LSAMP: variants seen among roughly 807,000 people sequenced by gnomAD.
LSAMP encodes the protein limbic system associated membrane protein, also known as limbic system-associated membrane protein.
Under a neutral mutation model 38.6 loss-of-function variants are expected in LSAMP, and 7 were observed. The observed-to-expected ratio is 0.18, with a 90% CI of 0.10 to 0.34. The LOEUF is 0.34. LSAMP is among the 10% of genes least tolerant of loss of function. LSAMP has a pLI of 1.00. For synonymous variants in LSAMP, 154 were observed against 166.8 expected (o/e 0.92, Z 0.59); for missense variants, 313 against 420.0 (o/e 0.75, Z 2.23).
At chr3:116,108,426 A>AG (rs369656314) in intron 1 of LSAMP, among the ~76,000 whole-genome samples, 8 of 152,138 alleles carry the variant, frequency 5.3e-5, no homozygotes, top group Non-Finnish European at 7.4e-5. Context: ...TATGGAAGCA[A>AG]GGGAAACAGG....
chr3:116,226,641 T>TTCTTGCAGA (rs2046345172), intron 1 of LSAMP, among the ~76,000 whole-genome samples: 13 of 152,238 alleles, frequency 8.5e-5, no homozygotes, highest in Admixed American at 8.5e-4. Flanking sequence ...CAGAATTACA[T>TTCTTGCAGA]ATTAGGTAGT....
rs1368265252 is a variant in LSAMP, at chr3:116,274,967, A to AAC, written c.155+169909_155+169910insGT. ...AGTAAAAATAGCCAAAAAAAAAAAA[A>AAC]AACTGCTGCCCAGAGCAACTTTTAT... On this transcript the variant is annotated intron_variant, in intron 1 of 6. Coordinates refer to ENST00000490035, the MANE Select transcript of LSAMP (RefSeq NM_002338.5). Among the ~76,000 whole-genome samples, 4 of 151,698 alleles carry AAC rather than the reference A, an allele frequency of 2.6e-5. No homozygotes were observed. The East Asian group carries it at 7.7e-4, about 29-fold the overall frequency.
In LSAMP at chr3:115,859,690, C is replaced by T. The variant is rs375422652; in HGVS notation, c.515-7073G>A. ...TTTGGCTCTATGAATGAGCATGGGC[C>T]AAATGAAAAAGAACATCCTGGGATT... On this transcript the variant is annotated intron_variant, in intron 3 of 6. Coordinates refer to ENST00000490035, the MANE Select transcript of LSAMP (RefSeq NM_002338.5). 1.4e-4 allele frequency among the ~76,000 whole-genome samples: 22 copies of T among 152,210 alleles called. No homozygotes were observed. The South Asian group carries it at 1.7e-3, about 11-fold the overall frequency.
intron 6 of LSAMP, among the ~76,000 whole-genome samples, chr3:115,836,559 C>A (rs1320551884): frequency 6.6e-6 from 1 of 152,172 alleles, no homozygotes; most frequent in Non-Finnish European, 1.5e-5. Context: ...GGGAACAGAA[C>A]TATAAGGTTG....
intron 3 of LSAMP, among the ~76,000 whole-genome samples, chr3:115,988,191 A>G (rs1939567643): frequency 6.6e-6 from 1 of 152,154 alleles, no homozygotes. Flanking sequence ...TAACAAAATC[A>G]CATGCAAATT....
chr3:116,185,974 C>G (rs948062867), intron 1 of LSAMP, among the ~76,000 whole-genome samples: 2 of 151,314 alleles, frequency 1.3e-5, no homozygotes, highest in African/African-American at 4.9e-5. Context: ...TCAAAGGCTG[C>G]ATGAAATGTC....
At chr3:116,267,496 C>T (rs10934326) in intron 1 of LSAMP, among the ~76,000 whole-genome samples, 29,685 of 151,464 alleles carry the variant, frequency 0.2, 3,148 homozygotes, top group African/African-American at 0.23. Context: ...TATCAATGAA[C>T]TGACAGGAGG....
chr3:116,257,621 GA>G lies in LSAMP; in HGVS notation c.156-171066del, dbSNP rs540852970. Among the ~76,000 whole-genome samples, 590 of 151,742 alleles carry G rather than the reference GA, an allele frequency of 3.9e-3. 4 individuals carry two copies. Among genetic ancestry groups the G allele is most frequent in the African/African-American group, 0.013 (558 of 41,402 alleles). ...TAATGATAAAATAAACAACAAAACA[GA>G]AAAAAACAGAATCAGCTTAGAAATC... On this transcript the variant is annotated intron_variant, in intron 1 of 6. Transcript: ENST00000490035.
chr3:116,155,651 G>C (rs1709730430), intron 1 of LSAMP, among the ~76,000 whole-genome samples: 1 of 151,992 alleles, frequency 6.6e-6, no homozygotes, highest in African/African-American at 2.4e-5. Context: ...GTGTGTGTGT[G>C]TGTGTCTGTG....
intron 1 of LSAMP, among the ~76,000 whole-genome samples, chr3:116,350,256 T>G (rs9837791): frequency 0.033 from 5,027 of 152,140 alleles, 270 homozygotes; most frequent in African/African-American, 0.11. Flanking sequence ...ATTTAAGTAT[T>G]CTGCAGATAA....
rs559930794 is a variant in LSAMP, at chr3:115,906,424, G to A, written c.515-53807C>T. Among the ~76,000 whole-genome samples, 25 of 152,210 alleles carry A rather than the reference G, an allele frequency of 1.6e-4. No homozygotes were observed. The South Asian group carries it at 5.2e-3, about 32-fold the overall frequency. ...TAAATGAATCAGATATTGTCTGGGT[G>A]TAGGTATTGCTAAGAGACCAACTTA... On this transcript the variant is annotated intron_variant, in intron 3 of 6. Transcript: ENST00000490035.
Position 116,317,015 on chromosome 3 carries a change from T to C in LSAMP, c.155+127862A>G, listed in dbSNP as rs868661578. On this transcript the variant is annotated intron_variant, in intron 1 of 6. Transcript: ENST00000490035. ...GGCTTGAGTGGGGCTTTGAAGAACATTTCTGCAGCTAGCTAGAGGTTTGCA... is the reference window on the plus strand; with the variant it reads ...GGCTTGAGTGGGGCTTTGAAGAACACTTCTGCAGCTAGCTAGAGGTTTGCA... 1.2e-4 allele frequency among the ~76,000 whole-genome samples: 18 copies of C among 152,096 alleles called. No individual in the cohort carries two copies. The Middle Eastern group carries it at 0.01, about 86-fold the overall frequency.
intron 2 of LSAMP, among the ~76,000 whole-genome samples, chr3:116,042,084 T>A (rs1271910878): frequency 2.6e-5 from 4 of 152,312 alleles, no homozygotes; most frequent in African/African-American, 9.6e-5. Context: ...TAATGTTAGG[T>A]GATGAACAGG....
intron 2 of LSAMP, among the ~76,000 whole-genome samples, chr3:116,035,199 G>C (rs1254248573): frequency 6.6e-6 from 1 of 152,176 alleles, no homozygotes; most frequent in Non-Finnish European, 1.5e-5. Context: ...AACCTGCTAT[G>C]CTGGTAATTG....
At chr3:116,190,467 A>T (rs963575500) in intron 1 of LSAMP, among the ~76,000 whole-genome samples, 1 of 151,820 alleles carries the variant, frequency 6.6e-6, no homozygotes, top group African/African-American at 2.4e-5. Flanking sequence ...TTTCCCCAAC[A>T]CTAACAGTTT....
intron 1 of LSAMP, among the ~76,000 whole-genome samples, chr3:116,118,571 G>C (rs1708804720): frequency 2.6e-5 from 4 of 152,126 alleles, no homozygotes; most frequent in Admixed American, 6.5e-5. Flanking sequence ...AGTTTGCAGG[G>C]GGTGGGTGAG....
At chr3:115,869,589 T>A (rs1037289773) in intron 3 of LSAMP, among the ~76,000 whole-genome samples, 2 of 152,140 alleles carry the variant, frequency 1.3e-5, no homozygotes, top group Non-Finnish European at 2.9e-5. Context: ...TACTTGCAGA[T>A]GTTCTAGTAC....
Position 116,152,952 on chromosome 3 carries a change from G to A in LSAMP, c.156-66396C>T, listed in dbSNP as rs542954745. ...TTATTAAAGAAGAGCTTCTGTGTAT[G>A]GTCTCAGCTATACAAATATATAAAA... is the stretch of plus-strand genomic sequence containing the variant. On this transcript the variant is annotated intron_variant, in intron 1 of 6. Coordinates refer to ENST00000490035, the MANE Select transcript of LSAMP (RefSeq NM_002338.5). 5.9e-5 allele frequency among the ~76,000 whole-genome samples: 9 copies of A among 152,042 alleles called. 2 individuals are homozygous for A. The highest frequency in any genetic ancestry group is 2.2e-4 in the African/African-American group (9 of 41,496).
chr3:115,842,308 A>G, intron 5 of LSAMP, 150 bp downstream of exon 5: 1 of 1,162,298 alleles, frequency 8.6e-7, no homozygotes, highest in Middle Eastern at 3.1e-4. Context: ...ACAGGCCCCA[A>G]AGAATTTGAT....
Sources: gnomAD v4.1 joint callset for allele counts (sites outside exome capture counted in the v4.1 genomes callset) on GRCh38, gnomAD v4.1.1 for gene constraint, MANE v1.5 for transcripts, NCBI Gene and HGNC (gene_info 2026-07-23, HGNC 2026-07-21) for gene names.